Variants in ADGRF4 observed in about 807,000 individuals in gnomAD.
The protein encoded by ADGRF4 is adhesion G protein-coupled receptor F4, also known as G-protein coupled receptor PGR18.
A neutral mutation model predicts 58.5 loss-of-function variants in ADGRF4; 63 were observed. The ratio of observed to expected loss-of-function variants is 1.08; its 90% confidence interval spans 0.88 to 1.33. The LOEUF (loss-of-function observed/expected upper bound fraction) is 1.33. ADGRF4 is among the 40% of genes most tolerant of loss of function. The pLI is 0.00. For synonymous variants in ADGRF4, 313 were observed against 295.4 expected (o/e 1.06, Z -0.61); for missense variants, 931 against 843.9 (o/e 1.10, Z -1.28).
chr6:47,710,746 G>A lies in ADGRF4; in HGVS notation c.160G>A (p.Gly54Arg). The A allele has an allele frequency of 6.2e-7, 1 of 1,602,286 alleles. No homozygotes were observed. ...TTTTTTCTTTATAGAGAAATGCGAA[G>A]GACCTTGTATTTCTTCTTCCAACTG... ...KTGRIQEKCE[G>R]PCISSSNCSQ... The change falls in exon 4 of 10, where the codon GGA becomes AGA. Residue 54 changes from glycine (G) to arginine (R), a missense_variant. Coordinates refer to ENST00000283303, the MANE Select transcript of ADGRF4 (RefSeq NM_153838.5).
At chr6:47,700,597 C>T (rs986482753) in intron 1 of ADGRF4, among the ~76,000 whole-genome samples, 2 of 152,154 alleles carry the variant, frequency 1.3e-5, no homozygotes, top group Non-Finnish European at 2.9e-5. Flanking sequence ...CCCTCTTGTG[C>T]CCATGGCGGA....
At chr6:47,704,159 C>A (rs1771652129) in intron 1 of ADGRF4, among the ~76,000 whole-genome samples, 1 of 151,840 alleles carries the variant, frequency 6.6e-6, no homozygotes, top group African/African-American at 2.4e-5. Flanking sequence ...AGGCGATTCT[C>A]CTACCTCCCA....
In ADGRF4 at chr6:47,714,370, A is replaced by G; in HGVS notation, c.1125A>G (p.Lys375=). ...QMMLDIRNEV[K]CRCNYTSVVM... ...TGTTGGATATCAGGAACGAAGTGAAATGCCGCTGTAACTACACCAGTGTGG... is the reference window on the plus strand; with the variant it reads ...TGTTGGATATCAGGAACGAAGTGAAGTGCCGCTGTAACTACACCAGTGTGG... Residue 375 remains lysine, a synonymous_variant, in exon 6 of 10, where the codon AAA becomes AAG. Coordinates refer to ENST00000283303, the MANE Select transcript of ADGRF4 (RefSeq NM_153838.5). 1 of 1,614,186 alleles carries G rather than the reference A, an allele frequency of 6.2e-7. No homozygotes were observed. Among genetic ancestry groups the G allele is most frequent in the Non-Finnish European group, 8.5e-7 (1 of 1,180,028 alleles).
Position 47,714,361 on chromosome 6 carries a change from C to G in ADGRF4, c.1116C>G (p.Asn372Lys). The G allele has an allele frequency of 1.2e-6, 2 of 1,614,114 alleles. No homozygotes were observed. The highest frequency in any genetic ancestry group is 1.7e-4 in the Middle Eastern group (1 of 6,060). The change falls in exon 6 of 10, where the codon AAC becomes AAG. Residue 372 changes from asparagine (N) to lysine (K), a missense_variant. Transcript: ENST00000283303. ...GCCAAATGATGTTGGATATCAGGAA[C>G]GAAGTGAAATGCCGCTGTAACTACA... The part of the protein sequence containing the change: ...KACQMMLDIR[N>K]EVKCRCNYTS...
At chr6:47,717,665 T>A (rs955487430) in intron 8 of ADGRF4, among the ~76,000 whole-genome samples, 1 of 152,212 alleles carries the variant, frequency 6.6e-6, no homozygotes, top group Non-Finnish European at 1.5e-5. Context: ...AGAAATGAGT[T>A]AGAAATGAGA....
At chr6:47,700,717 C>T (rs539509477) in intron 1 of ADGRF4, among the ~76,000 whole-genome samples, 1 of 152,180 alleles carries the variant, frequency 6.6e-6, no homozygotes, top group Non-Finnish European at 1.5e-5. Context: ...CTACTTAAGT[C>T]ACCAGGTTCC....
rs529206214 is a variant in ADGRF4, at chr6:47,721,480, G to A, written c.*275G>A. 2.0e-5 allele frequency: 3 copies of A among 152,338 alleles called. No individual in the cohort carries two copies. The highest frequency in any genetic ancestry group is 1.9e-4 in the East Asian group (1 of 5,170). The allele number at this position is 152,338 out of a possible 1,614,324, so 9.4% of individuals were successfully genotyped here. A position where few individuals can be genotyped will look rare whatever the true frequency, so the allele number is the denominator to read the frequency against. On this transcript the variant is annotated 3_prime_UTR_variant, in exon 10 of 10. Transcript: ENST00000283303. Reference sequence around the variant, plus strand: ...TCTTGGTCAATCTTGACTAGATTAAGAGTCAATCTGCAAGCCATTTTATGG... The same window carrying A: ...TCTTGGTCAATCTTGACTAGATTAAAAGTCAATCTGCAAGCCATTTTATGG...
At position 47,709,451 on chromosome 6, in the gene ADGRF4, A is replaced by T. The variant is rs60496859; in HGVS notation, c.148+1173A>T. Among the ~76,000 whole-genome samples, 390 of 152,356 alleles carry T rather than the reference A, an allele frequency of 2.6e-3. 3 individuals carry two copies. The highest frequency in any genetic ancestry group is 0.02 in the Middle Eastern group (6 of 294). On this transcript the variant is annotated intron_variant, in intron 3 of 9. Transcript: ENST00000283303. ...TGACTAAGACTCATATGGCCTGCAA[A>T]GCTGAAAATATTTACTCTCTGGCTA...
intron 1 of ADGRF4, among the ~76,000 whole-genome samples, chr6:47,699,903 TACACACAC>T (rs138771559): frequency 2.7e-5 from 4 of 146,552 alleles, no homozygotes; most frequent in South Asian, 2.2e-4. Flanking sequence ...CACACACACA[TACACACAC>T]ACACACACAC....
intron 9 of ADGRF4, among the ~76,000 whole-genome samples, chr6:47,718,972 A>G (rs898810896): frequency 5.9e-5 from 9 of 152,216 alleles, no homozygotes; most frequent in Non-Finnish European, 7.3e-5. Flanking sequence ...ACAAAATGGC[A>G]GCCAGAAGCC....
At position 47,714,550 on chromosome 6, in the gene ADGRF4, A is replaced by T. The variant is rs1771960593; in HGVS notation, c.1305A>T (p.Ile435=). ...TVWSRVVVTE[I]SYMRHVCIVN... ...GGTCCCGGGTGGTTGTGACGGAGAT[A>T]TCATACATGCGTCACGTGTGCATCG... The change falls in exon 6 of 10, where the codon ATA becomes ATT. Residue 435 remains isoleucine (I), a synonymous_variant. Coordinates refer to ENST00000283303, the MANE Select transcript of ADGRF4 (RefSeq NM_153838.5). 1 of 1,614,038 alleles carries T rather than the reference A, an allele frequency of 6.2e-7. No individual in the cohort carries two copies. Among genetic ancestry groups the T allele is most frequent in the Admixed American group, 1.7e-5 (1 of 60,004 alleles).
At chr6:47,706,428 G>C (rs1411667200) in intron 1 of ADGRF4, among the ~76,000 whole-genome samples, 1 of 152,150 alleles carries the variant, frequency 6.6e-6, no homozygotes, top group Non-Finnish European at 1.5e-5. Context: ...GCAGACGGTT[G>C]GGTTTATTAA....
intron 2 of ADGRF4, among the ~76,000 whole-genome samples, 162 bp from the exon 3 acceptor site, chr6:47,708,062 T>C (rs1371483418): frequency 2.0e-5 from 3 of 152,244 alleles, no homozygotes; most frequent in African/African-American, 7.2e-5. Context: ...CTCATCCACA[T>C]TTCCTTCAGC....
intron 3 of ADGRF4, among the ~76,000 whole-genome samples, chr6:47,710,326 A>G (rs1458956659): frequency 1.3e-5 from 2 of 152,190 alleles, no homozygotes; most frequent in African/African-American, 2.4e-5. Context: ...GTTCCTTTAC[A>G]TAAAAGTTTA....
Position 47,714,986 on chromosome 6 carries a change from G to C in ADGRF4, c.1741G>C (p.Ala581Pro), listed in dbSNP as rs1771977162. ...AAATCTGATTGTGGTTTTGGTTGTT[G>C]CTGTCAACACTCAGAGGCCCTCTAT... ...AVNLIVVLVV[A>P]VNTQRPSIGS... Residue 581 changes from alanine to proline, a missense_variant, in exon 6 of 10, where the codon GCT (alanine) becomes CCT (proline). By Grantham distance (27) the Ala-to-Pro change is conservative. Coordinates refer to ENST00000283303, the MANE Select transcript of ADGRF4 (RefSeq NM_153838.5). The C allele has an allele frequency of 6.2e-7, 1 of 1,613,370 alleles. No homozygotes were observed. The highest frequency in any genetic ancestry group is 1.3e-5 in the African/African-American group (1 of 74,884).
intron 1 of ADGRF4, among the ~76,000 whole-genome samples, chr6:47,700,473 G>C (rs1474585613): frequency 6.6e-6 from 1 of 152,192 alleles, no homozygotes; most frequent in African/African-American, 2.4e-5. Context: ...GGGACAAATA[G>C]GAGATGGTGT....
At chr6:47,717,866 T>C (rs1772062377) in intron 8 of ADGRF4, among the ~76,000 whole-genome samples, 1 of 152,224 alleles carries the variant, frequency 6.6e-6, no homozygotes, top group African/African-American at 2.4e-5. Flanking sequence ...GGAGTATCTA[T>C]GTATTTAGAG....
intron 9 of ADGRF4, among the ~76,000 whole-genome samples, chr6:47,720,614 G>A (rs1772135865): frequency 6.6e-6 from 1 of 152,150 alleles, no homozygotes; most frequent in Admixed American, 6.5e-5. Flanking sequence ...ACCCCATTCT[G>A]GGAGGCAGGG....
intron 7 of ADGRF4, 22 bp downstream of exon 7, chr6:47,716,869 C>T: frequency 1.9e-6 from 3 of 1,544,046 alleles, no homozygotes; most frequent in South Asian, 2.3e-5. Context: ...TTGCTTCCTC[C>T]TTATAAATGG....
Sources: gnomAD v4.1 joint callset for allele counts (sites outside exome capture counted in the v4.1 genomes callset) on GRCh38, gnomAD v4.1.1 for gene constraint, MANE v1.5 for transcripts, NCBI Gene and HGNC (gene_info 2026-07-23, HGNC 2026-07-21) for gene names.